The following KNDC1 variants were observed in gnomAD, a reference collection of about 807,000 sequenced individuals.
KNDC1 encodes kinase non-catalytic C-lobe domain containing 1.
KNDC1 carries 106 observed loss-of-function variants against 172.8 expected under a neutral mutation model. The ratio of observed to expected loss-of-function variants is 0.61; its 90% CI spans 0.52 to 0.72. KNDC1 has a LOEUF of 0.72. KNDC1 is among the 30% of genes least tolerant of loss of function. KNDC1 has a pLI of 0.00. For synonymous variants in KNDC1, 1,083 were observed against 1,062.2 expected, an observed-to-expected ratio of 1.02 and a Z score of -0.38; for missense variants, 2,325 against 2,394.5, an observed-to-expected ratio of 0.97 and a Z score of 0.61.
chr10:133,190,076 A>G (rs1854036898), intron 9 of KNDC1, among the ~76,000 whole-genome samples: 1 of 152,250 alleles, frequency 6.6e-6, no homozygotes, highest in Non-Finnish European at 1.5e-5. Context: ...ACAACCAGGG[A>G]TGTGTATAAG....
rs954556956 is a variant in KNDC1, at chr10:133,186,671, G to C, written c.1323G>C (p.Glu441Asp). ...GARQLESAAA[E>D]QWVSLQDLLS... is the part of the protein sequence containing the mutation. ...GGCAGCTGGAAAGTGCAGCCGCGGA[G>C]CAGGTGGGTGCCTGGGTCTTGTGTG... is the stretch of plus-strand genomic sequence containing the variant. Residue 441 changes from glutamate to aspartate, a missense_variant, in exon 6 of 30, where the codon GAG becomes GAC. Physicochemically the swap from Glu to Asp is conservative, Grantham distance 45 (BLOSUM62 2). Coordinates refer to ENST00000304613, the MANE Select transcript of KNDC1 (RefSeq NM_152643.8). 1 of 1,574,706 alleles carries C rather than the reference G, an allele frequency of 6.4e-7. No individual in the cohort carries two copies. The highest frequency in any genetic ancestry group is 1.8e-5 in the Admixed American group (1 of 56,338).
chr10:133,198,834 G>A lies in KNDC1; in HGVS notation c.2326G>A (p.Ala776Thr). 1 of 1,598,882 alleles carries A rather than the reference G, an allele frequency of 6.3e-7. No individual in the cohort carries two copies. Among genetic ancestry groups the A allele is most frequent in the Non-Finnish European group, 8.5e-7 (1 of 1,174,800 alleles). Residue 776 changes from alanine to threonine, a missense_variant, in exon 14 of 30, where the codon GCA (alanine) becomes ACA (threonine). Transcript: ENST00000304613. ...PANQPEGASS[A>T]APGSPVPAPP... is the part of the protein sequence containing the mutation. ...AAACCAGCCAGAGGGGGCCTCATCG[G>A]CAGCTCCCGGCTCTCCAGTCCCCGC... is the stretch of plus-strand genomic sequence containing the variant.
chr10:133,174,919 G>A (rs1462287587), intron 3 of KNDC1, among the ~76,000 whole-genome samples: 1 of 151,764 alleles, frequency 6.6e-6, no homozygotes, highest in African/African-American at 2.4e-5. Flanking sequence ...GTGGATGTGT[G>A]GATGGGTGGG....
At chr10:133,188,676 C>T in intron 7 of KNDC1, 23 bp downstream of exon 7, 1 of 1,262,882 alleles carries the variant, frequency 7.9e-7, no homozygotes, top group Non-Finnish European at 1.1e-6. Flanking sequence ...CCATCCCATC[C>T]CCCCCGCCGT....
At chr10:133,168,601 C>T (rs781663063) in intron 3 of KNDC1, among the ~76,000 whole-genome samples, 23 of 152,198 alleles carry the variant, frequency 1.5e-4, no homozygotes, top group South Asian at 1.2e-3. Context: ...GCTTTGGCTA[C>T]GTTTGTCATC....
intron 3 of KNDC1, 29 bp downstream of exon 3, chr10:133,168,341 A>AC: frequency 6.2e-7 from 1 of 1,601,118 alleles, no homozygotes; most frequent in Non-Finnish European, 8.6e-7. Context: ...AATGTGCCAC[A>AC]CCCCCCTTTT....
chr10:133,214,115 C>T lies in KNDC1; in HGVS notation c.4670C>T (p.Thr1557Ile), dbSNP rs201128724. ...WVAAEIVTSHTSKLQVNLLSK... is the reference protein window; with the variant it reads ...WVAAEIVTSHISKLQVNLLSK... ...GCTGCAGAGATTGTGACCAGCCACA[C>T]CTCCAAGGTGGGCACCCTACAGTTC... Residue 1557 changes from threonine (T) to isoleucine (I), a missense_variant, in exon 26 of 30, where the codon ACC becomes ATC. Thr to Ile is a moderately conservative substitution (Grantham distance 89, BLOSUM62 -1). Transcript: ENST00000304613. 1.9e-6 allele frequency: 3 copies of T among 1,613,928 alleles called. No homozygotes were observed. The highest frequency in any genetic ancestry group is 2.5e-6 in the Non-Finnish European group (3 of 1,180,000).
At position 133,195,852 on chromosome 10, in the gene KNDC1, A is replaced by G. The variant is rs200362494; in HGVS notation, c.1734+31A>G. On this transcript the variant is annotated intron_variant, in intron 10 of 29. Coordinates refer to ENST00000304613, the MANE Select transcript of KNDC1 (RefSeq NM_152643.8). ...CACACCACAGTCATGGCCCCAGCCC[A>G]GGGTCCAAGGACTGTGGGCAGTGGC... is the stretch of plus-strand genomic sequence containing the variant. 234 of 1,505,510 alleles carry G rather than the reference A, an allele frequency of 1.6e-4. No individual in the cohort carries two copies. In the African/African-American group the frequency reaches 3.1e-3, roughly 20 times the overall value. The allele number at this position is 1,505,510 out of a possible 1,614,324, so 93.3% of individuals were successfully genotyped here.
At chr10:133,175,793 G>C (rs1171321260) in intron 3 of KNDC1, among the ~76,000 whole-genome samples, 1 of 151,690 alleles carries the variant, frequency 6.6e-6, no homozygotes, top group Non-Finnish European at 1.5e-5. Context: ...TGGGCTGATG[G>C]ATGGGTAGGT....
At position 133,221,668 on chromosome 10, in the gene KNDC1, G is replaced by A. The variant is rs563949304; in HGVS notation, c.5018+1556G>A. 5.3e-5 allele frequency among the ~76,000 whole-genome samples: 8 copies of A among 152,356 alleles called. No homozygotes were observed. In the East Asian group the frequency reaches 1.3e-3, roughly 26 times the overall value. On this transcript the variant is annotated intron_variant, in intron 29 of 29. Transcript: ENST00000304613. ...GTGCCCATGGATCCTCAGCCTGATA[G>A]GTGAAGGTCCCCTTCTTAGATAGCC...
At chr10:133,167,868 G>A (rs1459253385) in intron 2 of KNDC1, among the ~76,000 whole-genome samples, 1 of 152,206 alleles carries the variant, frequency 6.6e-6, no homozygotes, top group Non-Finnish European at 1.5e-5. Flanking sequence ...GGCAGGCTAT[G>A]CCCCTCTTCT....
At chr10:133,160,593 G>T in intron 1 of KNDC1, 24 bp downstream of exon 1, 1 of 1,518,786 alleles carries the variant, frequency 6.6e-7, no homozygotes, top group Non-Finnish European at 8.9e-7. Context: ...CCCACTGGGG[G>T]GCCCCTTCCG....
At chr10:133,203,069 G>C (rs1343201967) in intron 17 of KNDC1, among the ~76,000 whole-genome samples, 1 of 108,000 alleles carries the variant, frequency 9.3e-6, no homozygotes, top group South Asian at 3.0e-4. Flanking sequence ...CCCCAAACTG[G>C]CAGAGTCCAG....
Position 133,197,717 on chromosome 10 carries a change from T to C in KNDC1, c.1855T>C (p.Ser619Pro), listed in dbSNP as rs1854234718. The change falls in exon 12 of 30, where the codon TCA (serine) becomes CCA (proline). Residue 619 changes from serine (S) to proline (P), a missense_variant. By Grantham distance (74) the Ser-to-Pro change is moderately conservative. Transcript: ENST00000304613. ...GACCATCAGCCTCCAAAACGCCTTCTCAGTGGTTGAACTGAAGCCCAGTGT... is the reference window on the plus strand; with the variant it reads ...GACCATCAGCCTCCAAAACGCCTTCCCAGTGGTTGAACTGAAGCCCAGTGT... ...EETISLQNAF[S>P]VVELKPSVAP... is the part of the protein sequence containing the mutation. 6.2e-7 allele frequency: 1 copy of C among 1,613,284 alleles called. No individual in the cohort carries two copies. Among genetic ancestry groups the C allele is most frequent in the Non-Finnish European group, 8.5e-7 (1 of 1,179,886 alleles).
chr10:133,167,576 A>G lies in KNDC1; in HGVS notation c.298A>G (p.Ser100Gly). 9 of 1,586,208 alleles carry G rather than the reference A, an allele frequency of 5.7e-6. No homozygotes were observed. The highest frequency in any genetic ancestry group is 7.7e-6 in the Non-Finnish European group (9 of 1,166,436). Residue 100 changes from serine (S) to glycine (G), a missense_variant, in exon 2 of 30, where the codon AGC (serine) becomes GGC (glycine). Coordinates refer to ENST00000304613, the MANE Select transcript of KNDC1 (RefSeq NM_152643.8). ...SGNVCFMEQL[S>G]DDPEGAFVPP... is the part of the protein sequence containing the mutation. ...GAACGTGTGTTTCATGGAGCAGCTC[A>G]GCGGTGAGGCGGCGGTGGCGGTGGC...
At chr10:133,213,806 T>G (rs1322125288) in intron 25 of KNDC1, 79 bp downstream of exon 25, 1 of 1,477,724 alleles carries the variant, frequency 6.8e-7, no homozygotes, top group East Asian at 2.3e-5. Context: ...TGGACGCTCC[T>G]GACCAGCAGG....
At position 133,194,096 on chromosome 10, in the gene KNDC1, C is replaced by T. The variant is rs1478869169; in HGVS notation, c.1576-1567C>T. Among the ~76,000 whole-genome samples, 4 of 152,194 alleles carry T rather than the reference C, an allele frequency of 2.6e-5. No individual in the cohort carries two copies. In the East Asian group the frequency reaches 5.8e-4, roughly 22 times the overall value. Reference sequence around the variant, plus strand: ...CGGCTGGATCAACATTTAAAGGACACTCCACCCAACAACAGCAGAATCCAC... The same window carrying T: ...CGGCTGGATCAACATTTAAAGGACATTCCACCCAACAACAGCAGAATCCAC... On this transcript the variant is annotated intron_variant, in intron 9 of 29. Coordinates refer to ENST00000304613, the MANE Select transcript of KNDC1 (RefSeq NM_152643.8).
intron 3 of KNDC1, among the ~76,000 whole-genome samples, chr10:133,168,957 G>A (rs755487455): frequency 2.6e-5 from 4 of 152,238 alleles, no homozygotes; most frequent in East Asian, 1.9e-4. Flanking sequence ...GGAGAGGGGC[G>A]GAATCACCCC....
chr10:133,198,362 C>T lies in KNDC1; in HGVS notation c.1932C>T (p.Thr644=), dbSNP rs564767775. The T allele has an allele frequency of 9.4e-6, 15 of 1,592,712 alleles. No individual in the cohort carries two copies. The highest frequency in any genetic ancestry group is 1.7e-5 in the Admixed American group (1 of 58,318). The change falls in exon 13 of 30, where the codon ACC becomes ACT. Residue 644 remains threonine, a synonymous_variant. Coordinates refer to ENST00000304613, the MANE Select transcript of KNDC1 (RefSeq NM_152643.8). The stretch of plus-strand genomic sequence containing the variant: ...GCTTCCTGCCGGTGAACAGCGACAC[C>T]GGGCTTGTGGCTGTGCCAGGGCCCG... ...SPGFLPVNSD[T]GLVAVPGPVP... is the part of the protein sequence containing the mutation.
Sources: allele counts gnomAD v4.1 joint callset (sites outside exome capture counted in the v4.1 genomes callset), GRCh38; gene constraint gnomAD v4.1.1; transcripts MANE v1.5; gene names NCBI Gene and HGNC (gene_info 2026-07-23, HGNC 2026-07-21).